The following DOCK4 variants were observed in gnomAD, a reference collection of about 807,000 sequenced individuals.
DOCK4 encodes dedicator of cytokinesis 4.
Under a neutral mutation model 268.1 loss-of-function variants are expected in DOCK4, and 97 were observed. That is an observed-to-expected ratio of 0.36 (90% CI 0.31 to 0.43). The LOEUF (loss-of-function observed/expected upper bound fraction) is 0.43, where lower values mean the gene tolerates loss of function less well. Among genes scored for constraint, DOCK4 ranks in the 20% least tolerant of loss-of-function variants. The pLI is 1.00. For missense variants in DOCK4, 2,145 were observed against 2,455.7 expected, an observed-to-expected ratio of 0.87 and a Z score of 2.67; for synonymous variants, 954 against 887.2, an observed-to-expected ratio of 1.08 and a Z score of -1.34.
At chr7:112,131,422 G>A (rs1813786449) in intron 1 of DOCK4, among the ~76,000 whole-genome samples, 1 of 152,018 alleles carries the variant, frequency 6.6e-6, no homozygotes, top group Admixed American at 6.5e-5. Flanking sequence ...AGTTGCCCTT[G>A]GTTTTATAGG....
rs1491266241 is a variant in DOCK4, at chr7:111,974,492, A to ATATGTGTG, written c.701+2639_701+2640insCACACATA. The stretch of plus-strand genomic sequence containing the variant: ...AGATCAGGTGGCATATTGAAGAGGG[A>ATATGTGTG]TGTGTGTGTGTGTGTGTGTGTGTGT... On this transcript the variant is annotated intron_variant, in intron 8 of 52. Transcript: ENST00000428084. Among the ~76,000 whole-genome samples, 6 of 84,386 alleles carry ATATGTGTG rather than the reference A, an allele frequency of 7.1e-5. No individual in the cohort carries two copies. The East Asian group carries it at 1.7e-3, about 24-fold the overall frequency. 55.4% of individuals were successfully genotyped at this position (84,386 alleles called of 152,430 possible).
At chr7:111,993,936 T>G (rs1045803690) in intron 5 of DOCK4, among the ~76,000 whole-genome samples, 199 bp downstream of exon 5, 9 of 152,210 alleles carry the variant, frequency 5.9e-5, no homozygotes, top group Admixed American at 5.9e-4. Flanking sequence ...TATATTCCTG[T>G]GGTATTGAAA....
At chr7:112,033,233 T>A (rs1341741663) in intron 1 of DOCK4, among the ~76,000 whole-genome samples, 1 of 151,902 alleles carries the variant, frequency 6.6e-6, no homozygotes, top group Non-Finnish European at 1.5e-5. Flanking sequence ...AGAAAAAAAA[T>A]GGGCTAACAA....
At chr7:112,147,794 G>C (rs1037771703) in intron 1 of DOCK4, among the ~76,000 whole-genome samples, 3 of 107,846 alleles carry the variant, frequency 2.8e-5, no homozygotes, top group Non-Finnish European at 5.3e-5. Context: ...AGCAAACGTA[G>C]ATTTTTTTTT....
At chr7:112,141,379 C>T (rs1814914130) in intron 1 of DOCK4, among the ~76,000 whole-genome samples, 1 of 152,146 alleles carries the variant, frequency 6.6e-6, no homozygotes, top group South Asian at 2.1e-4. Context: ...AAACACTAAT[C>T]GGGGTATTGC....
At chr7:111,975,292 T>C (rs766242555) in intron 8 of DOCK4, among the ~76,000 whole-genome samples, 2 of 152,080 alleles carry the variant, frequency 1.3e-5, no homozygotes, top group African/African-American at 2.4e-5. Flanking sequence ...AAAAAAACTT[T>C]AGTTTAACAG....
chr7:112,177,609 A>C (rs1320110078), intron 1 of DOCK4, among the ~76,000 whole-genome samples: 1 of 152,238 alleles, frequency 6.6e-6, no homozygotes, highest in Non-Finnish European at 1.5e-5. Flanking sequence ...AACTGCCTCA[A>C]CTGTGATAAG....
rs771808786 is a variant in DOCK4, at chr7:111,901,765, C to T, written c.1229G>A (p.Arg410Lys). 6.3e-7 allele frequency: 1 copy of T among 1,599,752 alleles called. No individual in the cohort carries two copies. The highest frequency in any genetic ancestry group is 2.2e-5 in the East Asian group (1 of 44,752). Reference protein sequence around the residue: ...MRNDLYITIERGEFEKGGKSV... With the variant: ...MRNDLYITIEKGEFEKGGKSV... The stretch of plus-strand genomic sequence containing the variant: ...CTTCCCTCCTTTCTCAAATTCTCCC[C>T]TTTCAATAGTGATATATAAATCATT... The change falls in exon 14 of 53, where the codon AGG (arginine) becomes AAG (lysine). Residue 410 changes from arginine (R) to lysine (K), a missense_variant. Arg to Lys is a conservative substitution (Grantham distance 26). Coordinates refer to ENST00000428084, the MANE Select transcript of DOCK4 (RefSeq NM_001363540.2).
chr7:112,027,889 T>C (rs1375711927), intron 1 of DOCK4, among the ~76,000 whole-genome samples: 1 of 152,202 alleles, frequency 6.6e-6, no homozygotes, highest in East Asian at 1.9e-4. Context: ...ACAGTCTTTT[T>C]TCCGAACTCA....
chr7:112,002,415 T>C (rs1477840171), intron 2 of DOCK4, among the ~76,000 whole-genome samples: 3 of 152,200 alleles, frequency 2.0e-5, no homozygotes, highest in African/African-American at 7.2e-5. Context: ...GCAGTCCAGT[T>C]TCATGCACCA....
chr7:111,767,230 T>A, intron 37 of DOCK4, 112 bp from the exon 38 acceptor site: 10 of 534,024 alleles, frequency 1.9e-5, no homozygotes, highest in Middle Eastern at 3.3e-4. Flanking sequence ...CCTTAATCTT[T>A]TTTTTTTTTT....
intron 47 of DOCK4, chr7:111,739,986 T>C (rs980925650): frequency 1.7e-5 from 5 of 301,730 alleles, no homozygotes; most frequent in Non-Finnish European, 3.3e-5. Flanking sequence ...GGAGTTATAC[T>C]GGCTCTAAAA....
intron 1 of DOCK4, among the ~76,000 whole-genome samples, chr7:112,007,318 G>GGAATGAATGAAT (rs72228459): frequency 6.6e-6 from 1 of 151,740 alleles, no homozygotes; most frequent in African/African-American, 2.4e-5. Context: ...ACAAATACAT[G>GGAATGAATGAAT]GAATGAATGA....
At chr7:111,947,781 T>C (rs1209085811) in intron 8 of DOCK4, among the ~76,000 whole-genome samples, 1 of 152,162 alleles carries the variant, frequency 6.6e-6, no homozygotes, top group Non-Finnish European at 1.5e-5. Context: ...TAGAGTACAG[T>C]GGCACAATCT....
Position 111,809,381 on chromosome 7 carries a change from G to A in DOCK4, c.3027C>T (p.Tyr1009=). 2 of 1,562,614 alleles carry A rather than the reference G, an allele frequency of 1.3e-6. No individual in the cohort carries two copies. Among genetic ancestry groups the A allele is most frequent in the Non-Finnish European group, 8.7e-7 (1 of 1,151,852 alleles). Residue 1009 remains tyrosine (Y), a synonymous_variant, in exon 29 of 53, where the codon TAC becomes TAT. Transcript: ENST00000428084. ...FDYKIWDSYF[Y]LAVIFINQLC... is the part of the protein sequence containing the mutation. ...ACTGGTTTATAAAAATGACTGCGAG[G>A]TAAAAGTAGGAATCCCAGATCTAAA...
At chr7:111,757,769 C>T (rs530156518) in intron 41 of DOCK4, among the ~76,000 whole-genome samples, 4 of 152,270 alleles carry the variant, frequency 2.6e-5, no homozygotes, top group Non-Finnish European at 2.9e-5. Flanking sequence ...ATGAGACAAT[C>T]GTGTTAGGAG....
chr7:111,866,379 G>A (rs1805978402), intron 22 of DOCK4, among the ~76,000 whole-genome samples: 1 of 152,190 alleles, frequency 6.6e-6, no homozygotes, highest in African/African-American at 2.4e-5. Flanking sequence ...ATAGGTAAGT[G>A]ATACTGCACA....
intron 1 of DOCK4, among the ~76,000 whole-genome samples, chr7:112,175,025 G>A (rs1424514521): frequency 6.8e-6 from 1 of 148,020 alleles, no homozygotes; most frequent in African/African-American, 2.5e-5. Context: ...ACTGAAACCT[G>A]GCTAATTTTT....
rs1043728731 is a variant in DOCK4 at position 111,784,181 on chromosome 7, T to C, written c.3402-58A>G. ...TTTTCAGATTATCCAAGTCATAAAA[T>C]ACAAACACATGCATATAATCATATT... On this transcript the variant is annotated intron_variant, in intron 32 of 52. Transcript: ENST00000428084. 177 of 1,492,210 alleles carry C rather than the reference T, an allele frequency of 1.2e-4. 2 individuals are homozygous for C. The South Asian group carries it at 1.9e-3, about 16-fold the overall frequency. 92.4% of individuals were successfully genotyped at this position (1,492,210 alleles called of 1,614,324 possible).
Sources: allele counts gnomAD v4.1 joint callset (sites outside exome capture counted in the v4.1 genomes callset), GRCh38; gene constraint gnomAD v4.1.1; transcripts MANE v1.5; gene names NCBI Gene and HGNC (gene_info 2026-07-23, HGNC 2026-07-21).